HSPG2: variants seen among roughly 807,000 people sequenced by gnomAD.
HSPG2 encodes basement membrane-specific heparan sulfate proteoglycan core protein.
HSPG2 carries 278 observed loss-of-function variants against 526.6 expected under a neutral mutation model. That is an observed-to-expected ratio of 0.53 (90% CI 0.48 to 0.58). The LOEUF (loss-of-function observed/expected upper bound fraction) is 0.58. Among genes scored for constraint, HSPG2 ranks in the 20% least tolerant of loss-of-function variants. HSPG2 has a pLI of 0.00. For missense variants in HSPG2, 5,354 were observed against 6,099.5 expected (o/e 0.88, Z 4.07); for synonymous variants, 2,465 against 2,555.4 (o/e 0.96, Z 1.07).
intron 1 of HSPG2, among the ~76,000 whole-genome samples, chr1:21,922,516 A>C (rs1644067902): frequency 6.6e-6 from 1 of 152,158 alleles, no homozygotes; most frequent in Non-Finnish European, 1.5e-5. Flanking sequence ...AGGGAGCAGG[A>C]GAGAGTCCTG....
At chr1:21,849,059 G>A (rs773144827) in intron 57 of HSPG2, 28 bp from the exon 58 acceptor site, 2 of 1,611,310 alleles carry the variant, frequency 1.2e-6, no homozygotes, top group South Asian at 2.2e-5. Flanking sequence ...GAGGAGGCAG[G>A]CTCAGAGCTG....
rs558175868 is a variant in HSPG2, at chr1:21,905,336, T to C, written c.64-9026A>G. On this transcript the variant is annotated intron_variant, in intron 1 of 96. Coordinates refer to ENST00000374695, the MANE Select transcript of HSPG2 (RefSeq NM_005529.7). Reference sequence around the variant, plus strand: ...TCCCCCAACTCCCTGCCTTCTAAAATAGCCACATGCATCCTCTCAATAGTC... The same window carrying C: ...TCCCCCAACTCCCTGCCTTCTAAAACAGCCACATGCATCCTCTCAATAGTC... 4.2e-3 allele frequency among the ~76,000 whole-genome samples: 381 copies of C among 90,084 alleles called. 1 individual carries two copies. Among genetic ancestry groups the C allele is most frequent in the African/African-American group, 0.011 (368 of 34,974 alleles). The allele number at this position is 90,084 out of a possible 152,430, so 59.1% of individuals were successfully genotyped here.
Position 21,881,250 on chromosome 1 carries a change from C to T in HSPG2, c.1818+89G>A, listed in dbSNP as rs935946031. The T allele has an allele frequency of 1.5e-5, 23 of 1,488,490 alleles. No individual in the cohort carries two copies. The Admixed American group carries it at 2.3e-4, about 15-fold the overall frequency. The allele number at this position is 1,488,490 out of a possible 1,614,324, so 92.2% of individuals were successfully genotyped here. A position where few individuals can be genotyped will look rare whatever the true frequency, so the allele number is the denominator to read the frequency against. ...CGGGGCATGGTAACACCTTTCCCTCCAAGTCTGCCTTGTTGTCCACCAACT... is the reference window on the plus strand; with the variant it reads ...CGGGGCATGGTAACACCTTTCCCTCTAAGTCTGCCTTGTTGTCCACCAACT... On this transcript the variant is annotated intron_variant, in intron 14 of 96. Coordinates refer to ENST00000374695, the MANE Select transcript of HSPG2 (RefSeq NM_005529.7).
chr1:21,829,589 G>C lies in HSPG2; in HGVS notation c.11786C>G (p.Thr3929Ser), dbSNP rs770386216. The C allele has an allele frequency of 6.2e-7, 1 of 1,606,546 alleles. No homozygotes were observed. The highest frequency in any genetic ancestry group is 8.5e-7 in the Non-Finnish European group (1 of 1,175,714). ...GGAGCCAGCACCCGACAGCGAGGGG[G>C]TGGTCACTGTCACACCTGCAGCAGC... ...LRCEEGVTVT[T>S]PSLSGAGSYL... Residue 3929 changes from threonine to serine, a missense_variant, in exon 87 of 97, where the codon ACC becomes AGC. Physicochemically the swap from Thr to Ser is moderately conservative, Grantham distance 58. Coordinates refer to ENST00000374695, the MANE Select transcript of HSPG2 (RefSeq NM_005529.7).
At position 21,839,371 on chromosome 1, in the gene HSPG2, T is replaced by C. The variant is rs750410903; in HGVS notation, c.9889A>G (p.Ser3297Gly). The change falls in exon 73 of 97, where the codon AGC becomes GGC. Residue 3297 changes from serine to glycine, a missense_variant and splice_region_variant. Physicochemically the swap from Ser to Gly is moderately conservative, Grantham distance 56. Coordinates refer to ENST00000374695, the MANE Select transcript of HSPG2 (RefSeq NM_005529.7). This position sits in a 1 kb window ranked among gnomAD's most constrained non-coding sequence, Gnocchi z 4.5. The part of the protein sequence containing the change: ...AEATIILHVE[S>G]PPYATTVPEH... Reference sequence around the variant, plus strand: ...AGACAAAGAAGGGATGAGGCCTTACTCTCCACGTGCAGGATGATGGTGGCC... The same window carrying C: ...AGACAAAGAAGGGATGAGGCCTTACCCTCCACGTGCAGGATGATGGTGGCC... 96 of 1,611,816 alleles carry C rather than the reference T, an allele frequency of 6.0e-5. No homozygotes were observed. The highest frequency in any genetic ancestry group is 2.2e-4 in the Admixed American group (13 of 59,990).
intron 27 of HSPG2, 39 bp downstream of exon 27, chr1:21,874,575 CCA>C (rs1557761429): frequency 6.2e-7 from 1 of 1,613,858 alleles, no homozygotes; most frequent in Admixed American, 1.7e-5. Context: ...CCTCCAGAGG[CCA>C]CAGATTGCTG....
At chr1:21,883,405 C>T (rs770457363) in intron 13 of HSPG2, among the ~76,000 whole-genome samples, 1 of 152,204 alleles carries the variant, frequency 6.6e-6, no homozygotes, top group Non-Finnish European at 1.5e-5. Context: ...GCAGCCTCAA[C>T]CTCCTAGGCT....
rs747958912 is a variant in HSPG2 at position 21,873,451 on chromosome 1, ATTTTGGAT to A, written c.3744-35_3744-28del. 3.7e-6 allele frequency: 6 copies of A among 1,612,970 alleles called. No homozygotes were observed. In the South Asian group the frequency reaches 6.6e-5, roughly 18 times the overall value. ...TGCAGAGAGAAAAAGCCTCTGATGAATTTTGGATGAAGGGAAGCAGAACCCCAGGGCTG... is the reference window on the plus strand; with the variant it reads ...TGCAGAGAGAAAAAGCCTCTGATGAAGAAGGGAAGCAGAACCCCAGGGCTG... On this transcript the variant is annotated intron_variant, in intron 29 of 96. Transcript: ENST00000374695.
At chr1:21,925,532 G>A (rs1644165823) in intron 1 of HSPG2, among the ~76,000 whole-genome samples, 1 of 152,196 alleles carries the variant, frequency 6.6e-6, no homozygotes, top group African/African-American at 2.4e-5. Context: ...AAGAATCAGG[G>A]TTCCCAGGGG....
chr1:21,902,142 C>T (rs913396374), intron 1 of HSPG2, among the ~76,000 whole-genome samples: 1 of 152,240 alleles, frequency 6.6e-6, no homozygotes, highest in Admixed American at 6.5e-5. Flanking sequence ...GTTGTACAAA[C>T]TGCCAGGGGC....
chr1:21,914,256 G>C (rs1643815806), intron 1 of HSPG2, among the ~76,000 whole-genome samples: 1 of 152,174 alleles, frequency 6.6e-6, no homozygotes, highest in African/African-American at 2.4e-5. Flanking sequence ...GCAGGGTGAG[G>C]GGACGGGGAG....
At chr1:21,854,072 G>T in intron 50 of HSPG2, 121 bp downstream of exon 50, 3 of 1,120,546 alleles carry the variant, frequency 2.7e-6, no homozygotes, top group African/African-American at 1.6e-5. Context: ...CTGAGCAGGC[G>T]CTGAAGGGTC....
chr1:21,933,978 C>A (rs1023535986), intron 1 of HSPG2, among the ~76,000 whole-genome samples: 1 of 152,206 alleles, frequency 6.6e-6, no homozygotes, highest in East Asian at 1.9e-4. Context: ...CCCTCCTAGG[C>A]CCTGGAAAAC....
Position 21,887,800 on chromosome 1 carries a change from C to A in HSPG2, c.704-126G>T. ...ACTCCCTGCCACCCCCTGCCTGGCT[C>A]TGTCATCACCCTTCCTATGCCCCCA... On this transcript the variant is annotated intron_variant, in intron 7 of 96. Transcript: ENST00000374695. The surrounding 1 kb of genome is among the most constrained non-coding windows in gnomAD (Gnocchi z 5.0). The A allele has an allele frequency of 2.6e-6, 4 of 1,561,326 alleles. No homozygotes were observed. The highest frequency in any genetic ancestry group is 8.8e-7 in the Non-Finnish European group (1 of 1,135,224).
At position 21,839,491 on chromosome 1, in the gene HSPG2, G is replaced by A. The variant is rs565806528; in HGVS notation, c.9769C>T (p.Arg3257Trp). The A allele has an allele frequency of 3.4e-5, 55 of 1,614,144 alleles. No homozygotes were observed. In the East Asian group the frequency reaches 6.2e-4, roughly 18 times the overall value. ...ATGATGAGTGTGTCACCTTCCAGCC[G>A]GTGCTGCCAGGGCAGTGGGGAACGC... The part of the protein sequence containing the change: ...KLRSPLPWQH[R>W]LEGDTLIIPR... The change falls in exon 73 of 97, where the codon CGG becomes TGG. Residue 3257 changes from arginine (R) to tryptophan (W), a missense_variant. Transcript: ENST00000374695. The surrounding 1 kb of genome is among the most constrained non-coding windows in gnomAD (Gnocchi z 4.5).
intron 67 of HSPG2, 118 bp from the exon 68 acceptor site, chr1:21,842,498 AGGGCTGGT>A: frequency 8.2e-7 from 1 of 1,220,822 alleles, no homozygotes; most frequent in East Asian, 2.6e-5. Flanking sequence ...CTCAGCTGGT[AGGGCTGGT>A]GGAAGCTTCA....
rs1325467636 is a variant in HSPG2 at position 21,865,999 on chromosome 1, T to C, written c.4222-190A>G. Among the ~76,000 whole-genome samples the C allele has an allele frequency of 6.7e-6, 1 of 150,206 alleles. No individual in the cohort carries two copies. The highest frequency in any genetic ancestry group is 1.5e-5 in the Non-Finnish European group (1 of 67,436). On this transcript the variant is annotated intron_variant, in intron 33 of 96. Transcript: ENST00000374695. The surrounding 1 kb of genome is among the most constrained non-coding windows in gnomAD (Gnocchi z 5.4). ...AACAGGACATTTCTCAGTTCCTCTG[T>C]AGCCCCAGACATGGTGGTGATGATG... is the stretch of plus-strand genomic sequence containing the variant.
At chr1:21,932,512 A>G (rs536102410) in intron 1 of HSPG2, among the ~76,000 whole-genome samples, 1 of 152,344 alleles carries the variant, frequency 6.6e-6, no homozygotes, top group East Asian at 1.9e-4. Context: ...GTGAACAAAA[A>G]CAAATGAGGT....
In HSPG2 at chr1:21,834,920, G is replaced by A; in HGVS notation, c.10479C>T (p.Ile3493=). ...CCACCACGGTCTGCACAGAGGTCCG[G>A]ATGTTGATGAGCACCGAGGGCAGGG... ...IQALPSVLIN[I]RTSVQTVVVG... is the part of the protein sequence containing the mutation. Residue 3493 remains isoleucine (I), a synonymous_variant, in exon 77 of 97, where the codon ATC becomes ATT. Coordinates refer to ENST00000374695, the MANE Select transcript of HSPG2 (RefSeq NM_005529.7). 6.2e-7 allele frequency: 1 copy of A among 1,613,386 alleles called. No homozygotes were observed. Among genetic ancestry groups the A allele is most frequent in the Non-Finnish European group, 8.5e-7 (1 of 1,179,964 alleles).
Sources: allele counts gnomAD v4.1 joint callset (sites outside exome capture counted in the v4.1 genomes callset), GRCh38; gene constraint gnomAD v4.1.1; non-coding constraint Gnocchi (gnomAD v3.1); transcripts MANE v1.5; gene names NCBI Gene and HGNC (gene_info 2026-07-23, HGNC 2026-07-21).